Variants in LPIN3 observed in about 807,000 individuals in gnomAD.
LPIN3 encodes the protein phosphatidate phosphatase LPIN3.
A neutral mutation model predicts 94.7 loss-of-function variants in LPIN3; 82 were observed. The ratio of observed to expected loss-of-function variants is 0.87; its 90% confidence interval spans 0.72 to 1.04. The LOEUF (loss-of-function observed/expected upper bound fraction) is 1.04. Ranked by LOEUF, LPIN3 falls within the 50% of genes least tolerant of loss-of-function variation. The probability of loss-of-function intolerance (pLI) is 0.00; values close to 1 mark genes in which losing one functional copy is unlikely to be tolerated. For missense variants in LPIN3, 996 were observed against 1,090.5 expected, an observed-to-expected ratio of 0.91 and a Z score of 1.22; for synonymous variants, 418 against 443.3, an observed-to-expected ratio of 0.94 and a Z score of 0.72.
Position 41,345,934 on chromosome 20 carries a change from GGT to G in LPIN3, c.133_134del (p.Cys45LeufsTer23), listed in dbSNP as rs1568990533. Reference sequence around the variant, plus strand: ...GTGAAGCAGGTGGACGGCTCGTTCCGGTGCTCACCCTTCCACGTGCGTTTTGG... The same window carrying G: ...GTGAAGCAGGTGGACGGCTCGTTCCGGCTCACCCTTCCACGTGCGTTTTGG... On this transcript the variant is annotated frameshift_variant, in exon 2 of 20. Transcript: ENST00000373257. LOFTEE classifies it high-confidence loss of function. 2 of 1,614,180 alleles carry G rather than the reference GGT, an allele frequency of 1.2e-6. No individual in the cohort carries two copies. Among genetic ancestry groups the G allele is most frequent in the South Asian group, 2.2e-5 (2 of 91,070 alleles).
intron 5 of LPIN3, 135 bp downstream of exon 5, chr20:41,349,307 G>A (rs1364854140): frequency 5.5e-5 from 40 of 723,598 alleles, no homozygotes; most frequent in Non-Finnish European, 8.7e-5. Flanking sequence ...CCTTTGTAAA[G>A]AGTTCAAGTC....
At chr20:41,350,766 T>C (rs2045979296) in intron 7 of LPIN3, among the ~76,000 whole-genome samples, 1 of 152,160 alleles carries the variant, frequency 6.6e-6, no homozygotes, top group African/African-American at 2.4e-5. Flanking sequence ...AGAAGTTTCA[T>C]GTCCAGAAAC....
chr20:41,343,663 G>A (rs1025194006), intron 1 of LPIN3, among the ~76,000 whole-genome samples: 3 of 152,242 alleles, frequency 2.0e-5, no homozygotes, highest in African/African-American at 7.2e-5. Flanking sequence ...TGGGGGTCTT[G>A]TCGTTTAGGC....
At chr20:41,348,936 T>G (rs1355893216) in intron 4 of LPIN3, 49 bp downstream of exon 4, 2 of 1,587,548 alleles carry the variant, frequency 1.3e-6, no homozygotes, top group East Asian at 4.5e-5. Flanking sequence ...GTTCAAGTGC[T>G]GTTTCCTCTG....
chr20:41,343,944 C>T (rs1342041508), intron 1 of LPIN3, among the ~76,000 whole-genome samples: 1 of 152,116 alleles, frequency 6.6e-6, no homozygotes, highest in Non-Finnish European at 1.5e-5. Context: ...TGCCTGTAGT[C>T]CCAGCTACTC....
At position 41,349,164 on chromosome 20, in the gene LPIN3, C is replaced by T. The variant is rs535035748; in HGVS notation, c.630C>T (p.Pro210=). The T allele has an allele frequency of 1.9e-6, 3 of 1,613,992 alleles. No individual in the cohort carries two copies. The highest frequency in any genetic ancestry group is 1.3e-5 in the African/African-American group (1 of 74,942). ...CCTACTCGGATGGCGAGTGGCCCCC[C>T]CAGGCCAGGTAAGAGTCCAGGTGGG... ...IYPYSDGEWP[P]QASLSAGELT... The change falls in exon 5 of 20, where the codon CCC becomes CCT. Residue 210 remains proline (P), a synonymous_variant. Coordinates refer to ENST00000373257, the MANE Select transcript of LPIN3 (RefSeq NM_022896.3).
intron 11 of LPIN3, 58 bp downstream of exon 11, chr20:41,352,925 G>A (rs371406563): frequency 6.6e-5 from 105 of 1,580,984 alleles, no homozygotes; most frequent in South Asian, 6.2e-4. Context: ...CTCAGGGCAC[G>A]GAGACCCTTA....
chr20:41,356,638 C>T (rs1469024529), intron 14 of LPIN3, among the ~76,000 whole-genome samples: 1 of 152,154 alleles, frequency 6.6e-6, no homozygotes, highest in Non-Finnish European at 1.5e-5. Context: ...ACTCAGGTAC[C>T]CTGGCCCCAA....
rs145997301 is a variant in LPIN3 at position 41,354,627 on chromosome 20, G to A, written c.1528-18G>A. On this transcript the variant is annotated intron_variant, in intron 11 of 19. Transcript: ENST00000373257. ...ATGTGGTGCAGGAAACACTGCCATG[G>A]CTTTCATCTGCCCACAGAGCACCAT... 1,067 of 1,550,436 alleles carry A rather than the reference G, an allele frequency of 6.9e-4. 3 individuals carry two copies. The African/African-American group carries it at 0.013, about 19-fold the overall frequency.
At chr20:41,350,890 G>T (rs2045984160) in intron 7 of LPIN3, among the ~76,000 whole-genome samples, 1 of 152,168 alleles carries the variant, frequency 6.6e-6, no homozygotes, top group Admixed American at 6.5e-5. Context: ...ATCTAAAAGT[G>T]CTAGGAAAGC....
chr20:41,358,525 A>C lies in LPIN3; in HGVS notation c.2394A>C (p.Ile798=). The change falls in exon 19 of 20, where the codon ATA becomes ATC. Residue 798 remains isoleucine, a synonymous_variant. Coordinates refer to ENST00000373257, the MANE Select transcript of LPIN3 (RefSeq NM_022896.3). ...GGGGAGAGCTCATCCAGGAGCTCAT[A>C]AAGAACCACAAATCCACGTGAGGCT... ...NPRGELIQEL[I]KNHKSTYERL... 6.2e-7 allele frequency: 1 copy of C among 1,614,034 alleles called. No individual in the cohort carries two copies. The highest frequency in any genetic ancestry group is 8.5e-7 in the Non-Finnish European group (1 of 1,179,996).
intron 1 of LPIN3, among the ~76,000 whole-genome samples, chr20:41,342,447 G>C (rs1289801900): frequency 6.6e-6 from 1 of 152,126 alleles, no homozygotes; most frequent in Non-Finnish European, 1.5e-5. Flanking sequence ...AGTCCTAAGG[G>C]GTATTCGGCT....
intron 7 of LPIN3, among the ~76,000 whole-genome samples, chr20:41,351,588 C>A (rs1048930918): frequency 1.3e-5 from 2 of 152,184 alleles, no homozygotes; most frequent in African/African-American, 4.8e-5. Flanking sequence ...AGCCACCACG[C>A]CCAGCCTAGA....
chr20:41,347,915 C>T (rs1280309331), intron 3 of LPIN3, among the ~76,000 whole-genome samples: 2 of 152,112 alleles, frequency 1.3e-5, no homozygotes, highest in South Asian at 4.1e-4. Flanking sequence ...GAGCTGGGCC[C>T]CTGTGGGATG....
In LPIN3 at chr20:41,357,077, T is replaced by C; in HGVS notation, c.1841T>C (p.Val614Ala). 6.2e-7 allele frequency: 1 copy of C among 1,614,022 alleles called. No individual in the cohort carries two copies. The highest frequency in any genetic ancestry group is 8.5e-7 in the Non-Finnish European group (1 of 1,179,974). ...LNLQEGANDV[V>A]FSVTTQYQGT... ...CTGCAAGAAGGTGCCAATGATGTGG[T>C]CTTCAGCGTGACCACTCAGTACCAG... is the stretch of plus-strand genomic sequence containing the variant. Residue 614 changes from valine to alanine, a missense_variant, in exon 15 of 20, where the codon GTC (valine) becomes GCC (alanine). Transcript: ENST00000373257.
At position 41,348,790 on chromosome 20, in the gene LPIN3, G is replaced by C. The variant is rs2045885142; in HGVS notation, c.460G>C (p.Glu154Gln). 3.1e-6 allele frequency: 5 copies of C among 1,612,398 alleles called. No homozygotes were observed. The highest frequency in any genetic ancestry group is 4.2e-6 in the Non-Finnish European group (5 of 1,179,448). ...RRRRRKPKQK[E>Q]DAVATDSSPE... ...TCGCAGGAGGAAACCCAAGCAGAAA[G>C]AGGATGCAGTGGCAACTGATTCTAG... The change falls in exon 4 of 20, where the codon GAG becomes CAG. Residue 154 changes from glutamate to glutamine, a missense_variant. Physicochemically the swap from Glu to Gln is conservative, Grantham distance 29 (BLOSUM62 2). Transcript: ENST00000373257.
chr20:41,356,034 CG>C lies in LPIN3; in HGVS notation c.1803+1del. The C allele has an allele frequency of 6.2e-7, 1 of 1,613,386 alleles. No individual in the cohort carries two copies. Among genetic ancestry groups the C allele is most frequent in the Non-Finnish European group, 8.5e-7 (1 of 1,179,468 alleles). On this transcript the variant is annotated splice_donor_variant, in intron 14 of 19. Coordinates refer to ENST00000373257, the MANE Select transcript of LPIN3 (RefSeq NM_022896.3). LOFTEE classifies it high-confidence loss of function. ...CCCTCCGCCTCTCCTCCGATCAGAT[CG>C]TAAGTGTGGGTTGTCTGTGTGGAGG...
In LPIN3 at chr20:41,356,025, C is replaced by T. The variant is rs144105867; in HGVS notation, c.1794C>T (p.Ser598=). 167 of 1,613,782 alleles carry T rather than the reference C, an allele frequency of 1.0e-4. No individual in the cohort carries two copies. Among genetic ancestry groups the T allele is most frequent in the Non-Finnish European group, 1.2e-4 (147 of 1,179,828 alleles). The change falls in exon 14 of 20, where the codon TCC becomes TCT. Residue 598 remains serine, a synonymous_variant. Transcript: ENST00000373257. ...ACAAGAAGTCCCTCCGCCTCTCCTC[C>T]GATCAGATCGTAAGTGTGGGTTGTC... is the stretch of plus-strand genomic sequence containing the variant. The part of the protein sequence containing the change: ...PTYKKSLRLS[S]DQIRRLNLQE...
rs2045553269 is a variant in LPIN3 at position 41,340,908 on chromosome 20, G to A, written c.-103G>A. On this transcript the variant is annotated 5_prime_UTR_variant, in exon 1 of 20. The change creates a new upstream start codon in the 5' untranslated region. Coordinates refer to ENST00000373257, the MANE Select transcript of LPIN3 (RefSeq NM_022896.3). The stretch of plus-strand genomic sequence containing the variant: ...GTCTTAGAGGACCCGGAAGCGCCAA[G>A]TGACTGAGGGCCGAAGACACTCACC... 1 of 152,326 alleles carries A rather than the reference G, an allele frequency of 6.6e-6. No homozygotes were observed. Among genetic ancestry groups the A allele is most frequent in the Non-Finnish European group, 1.5e-5 (1 of 68,106 alleles). 9.4% of individuals were successfully genotyped at this position (152,326 alleles called of 1,614,324 possible).
Sources: gnomAD v4.1 joint callset for allele counts (sites outside exome capture counted in the v4.1 genomes callset) on GRCh38, gnomAD v4.1.1 for gene constraint, MANE v1.5 for transcripts, NCBI Gene and HGNC (gene_info 2026-07-23, HGNC 2026-07-21) for gene names.